Variants in DNMT3B observed in about 807,000 individuals in gnomAD.
DNMT3B encodes the protein DNA (cytosine-5)-methyltransferase 3B.
A neutral mutation model predicts 120.2 loss-of-function variants in DNMT3B; 37 were observed. The observed-to-expected ratio is 0.31, with a 90% confidence interval of 0.24 to 0.40. DNMT3B has a LOEUF of 0.40. Among genes scored for constraint, DNMT3B ranks in the 10% least tolerant of loss-of-function variants. DNMT3B has a pLI of 1.00. For missense variants in DNMT3B, 878 were observed against 1,137.3 expected, an observed-to-expected ratio of 0.77 and a Z score of 3.28; for synonymous variants, 412 against 442.8, an observed-to-expected ratio of 0.93 and a Z score of 0.87.
chr20:32,769,961 A>C (rs919566312), intron 1 of DNMT3B, among the ~76,000 whole-genome samples: 20 of 152,094 alleles, frequency 1.3e-4, no homozygotes, highest in African/African-American at 4.8e-4. Flanking sequence ...TACTTTTTAA[A>C]AAATTTTTTA....
intron 18 of DNMT3B, 36 bp downstream of exon 18, chr20:32,800,961 CTA>C: frequency 6.2e-7 from 1 of 1,609,526 alleles, no homozygotes; most frequent in Non-Finnish European, 8.5e-7. Context: ...CCTGGAGAGC[CTA>C]TGTCACCTGA....
chr20:32,796,676 T>C, intron 12 of DNMT3B, 114 bp from the exon 13 acceptor site: 2 of 1,143,594 alleles, frequency 1.7e-6, no homozygotes, highest in Non-Finnish European at 2.6e-6. Context: ...GTGCAAAGAG[T>C]CCTTGGCAAG....
rs546101523 is a variant in DNMT3B, at chr20:32,789,679, C to T, written c.813+667C>T. Among the ~76,000 whole-genome samples the T allele has an allele frequency of 7.1e-4, 108 of 152,164 alleles. 1 individual carries two copies. The highest frequency in any genetic ancestry group is 2.3e-3 in the East Asian group (12 of 5,172). ...TGCGATCTTGGCTCACTGCAACCTC[C>T]GCCTCCCAGGTTCAAACAATTCTCC... is the stretch of plus-strand genomic sequence containing the variant. On this transcript the variant is annotated intron_variant, in intron 7 of 22. Coordinates refer to ENST00000328111, the MANE Select transcript of DNMT3B (RefSeq NM_006892.4).
chr20:32,778,361 T>C (rs1478737801), intron 1 of DNMT3B, among the ~76,000 whole-genome samples: 6 of 102,330 alleles, frequency 5.9e-5, no homozygotes, highest in Admixed American at 4.9e-4. Flanking sequence ...GGAGACTCTG[T>C]CTCAAAAAAA....
chr20:32,787,416 G>C lies in DNMT3B; in HGVS notation c.619G>C (p.Ala207Pro), dbSNP rs145326983. Residue 207 changes from alanine to proline, a missense_variant, in exon 6 of 23, where the codon GCA (alanine) becomes CCA (proline). Ala to Pro is a conservative substitution (Grantham distance 27). Coordinates refer to ENST00000328111, the MANE Select transcript of DNMT3B (RefSeq NM_006892.4). ...GGGCATGGAGTCCCCGCAGGTGGAG[G>C]CAGACAGTGGAGATGGAGACAGTTC... ...QGGMESPQVE[A>P]DSGDGDSSEY... is the part of the protein sequence containing the mutation. 1 of 1,614,112 alleles carries C rather than the reference G, an allele frequency of 6.2e-7. No individual in the cohort carries two copies. The highest frequency in any genetic ancestry group is 2.2e-5 in the East Asian group (1 of 44,894).
chr20:32,765,947 C>T (rs1056165486), intron 1 of DNMT3B, among the ~76,000 whole-genome samples: 2 of 151,580 alleles, frequency 1.3e-5, no homozygotes, highest in Non-Finnish European at 2.9e-5. Context: ...TTAGTAGAGA[C>T]GGGGTTTCAC....
chr20:32,775,278 G>A (rs868854559), intron 1 of DNMT3B, among the ~76,000 whole-genome samples: 1 of 152,136 alleles, frequency 6.6e-6, no homozygotes, highest in Non-Finnish European at 1.5e-5. Flanking sequence ...CAGGGGTTGG[G>A]GCAGATACCA....
chr20:32,771,678 A>G (rs1215994609), intron 1 of DNMT3B, among the ~76,000 whole-genome samples: 4 of 152,096 alleles, frequency 2.6e-5, no homozygotes, highest in Admixed American at 1.3e-4. Flanking sequence ...TAAATACCAA[A>G]CAAAAGTGAG....
chr20:32,794,521 T>C (rs1352251845), intron 10 of DNMT3B, among the ~76,000 whole-genome samples: 12 of 151,800 alleles, frequency 7.9e-5, no homozygotes, highest in Admixed American at 7.9e-4. Flanking sequence ...TCTACTAAAA[T>C]ACAAAAATTA....
chr20:32,805,195 T>C, intron 20 of DNMT3B, 143 bp from the exon 21 acceptor site: 2 of 1,082,952 alleles, frequency 1.8e-6, no homozygotes, highest in Non-Finnish European at 2.8e-6. Flanking sequence ...CTTGTGCTCA[T>C]GCCAGGATCA....
intron 10 of DNMT3B, among the ~76,000 whole-genome samples, chr20:32,794,288 T>G (rs1459395483): frequency 6.9e-6 from 1 of 145,000 alleles, no homozygotes; most frequent in Non-Finnish European, 1.5e-5. Context: ...GGCTGCAGTT[T>G]GCTAAGATCA....
chr20:32,776,154 G>A (rs556190106), intron 1 of DNMT3B, among the ~76,000 whole-genome samples: 42 of 151,966 alleles, frequency 2.8e-4, no homozygotes, highest in Non-Finnish European at 5.1e-4. Flanking sequence ...GCTTGAACCC[G>A]GGAGGTGGAG....
intron 10 of DNMT3B, among the ~76,000 whole-genome samples, chr20:32,794,408 G>A (rs1408824770): frequency 6.6e-6 from 1 of 151,266 alleles, no homozygotes; most frequent in Non-Finnish European, 1.5e-5. Flanking sequence ...GAGGCCAGGT[G>A]CAGTGGCTCA....
Position 32,762,710 on chromosome 20 carries a change from C to G in DNMT3B, c.-7+11C>G. On this transcript the variant is annotated intron_variant, in intron 1 of 22. Transcript: ENST00000328111. ...CCAGCCCTGCGGCAGGTGAGCGCCC[C>G]GGGGCCCCGGGGAGGCTCGGCCGCC... 6.1e-6 allele frequency: 1 copy of G among 164,584 alleles called. No individual in the cohort carries two copies. The highest frequency in any genetic ancestry group is 1.3e-5 in the Non-Finnish European group (1 of 78,228). The allele number at this position is 164,584 out of a possible 1,614,324, so 10.2% of individuals were successfully genotyped here.
intron 16 of DNMT3B, among the ~76,000 whole-genome samples, 189 bp downstream of exon 16, chr20:32,799,517 G>A (rs1451247462): frequency 1.3e-5 from 2 of 151,890 alleles, no homozygotes; most frequent in East Asian, 3.9e-4. Context: ...TGGTCATTGA[G>A]TTTTATTTAT....
At position 32,792,804 on chromosome 20, in the gene DNMT3B, C is replaced by A. The variant is rs374948653; in HGVS notation, c.1066+34C>A. ...GAGTCCCCATGGCAGCACCCGCTGC[C>A]TCTGCTGGTGGGACCACTTCTTGGG... On this transcript the variant is annotated intron_variant, in intron 9 of 22. Coordinates refer to ENST00000328111, the MANE Select transcript of DNMT3B (RefSeq NM_006892.4). 41 of 1,613,396 alleles carry A rather than the reference C, an allele frequency of 2.5e-5. No individual in the cohort carries two copies. The African/African-American group carries it at 5.1e-4, about 20-fold the overall frequency.
At chr20:32,780,229 C>A (rs540921199) in intron 1 of DNMT3B, 89 bp from the exon 2 acceptor site, 1 of 1,613,330 alleles carries the variant, frequency 6.2e-7, no homozygotes, top group East Asian at 2.2e-5. Flanking sequence ...GGGCCTTGGC[C>A]TGAGAACACA....
intron 7 of DNMT3B, among the ~76,000 whole-genome samples, chr20:32,789,546 T>C (rs1979718814): frequency 6.6e-6 from 1 of 152,196 alleles, no homozygotes; most frequent in Admixed American, 6.5e-5. Flanking sequence ...GGAAGAGCTG[T>C]GTTGGGCATA....
At chr20:32,805,510 C>T (rs1981871885) in intron 21 of DNMT3B, 103 bp downstream of exon 21, 35 of 1,358,576 alleles carry the variant, frequency 2.6e-5, no homozygotes, top group South Asian at 3.6e-5. Context: ...CCTCCCCCCA[C>T]GTGACTTCCT....
Sources: gnomAD v4.1 joint callset for allele counts (sites outside exome capture counted in the v4.1 genomes callset) on GRCh38, gnomAD v4.1.1 for gene constraint, MANE v1.5 for transcripts, NCBI Gene and HGNC (gene_info 2026-07-23, HGNC 2026-07-21) for gene names.